Variants in PHYKPL observed in about 807,000 individuals in gnomAD.
PHYKPL encodes 5-phosphonooxy-L-lysine phospho-lyase.
Under a neutral mutation model 51.3 loss-of-function variants are expected in PHYKPL, and 42 were observed. The observed-to-expected ratio is 0.82, with a 90% CI of 0.64 to 1.06. The LOEUF (loss-of-function observed/expected upper bound fraction) is 1.06. PHYKPL is among the 50% of genes least tolerant of loss of function. PHYKPL has a pLI of 0.00. For synonymous variants in PHYKPL, 264 were observed against 236.0 expected, an observed-to-expected ratio of 1.12 and a Z score of -1.09; for missense variants, 655 against 586.6, an observed-to-expected ratio of 1.12 and a Z score of -1.20.
At chr5:178,210,562 G>A (rs1450086446) in intron 12 of PHYKPL, 1 of 1,614,090 alleles carries the variant, frequency 6.2e-7, no homozygotes, top group Admixed American at 1.7e-5. Flanking sequence ...GGTCAGGGTA[G>A]TACAAACTAC....
In PHYKPL at chr5:178,232,555, G is replaced by C; in HGVS notation, c.-5C>G. ...CGGGCGCTGGTCTGCGGCCATGGTG[G>C]GTGGCCGTCAGTCGGTGCCGTGACG... On this transcript the variant is annotated 5_prime_UTR_variant, in exon 1 of 13. Transcript: ENST00000308158. 1.6e-6 allele frequency: 2 copies of C among 1,287,300 alleles called. No homozygotes were observed. The highest frequency in any genetic ancestry group is 2.6e-5 in the South Asian group (1 of 38,928). The allele number at this position is 1,287,300 out of a possible 1,614,324, so 79.7% of individuals were successfully genotyped here. A position where few individuals can be genotyped will look rare whatever the true frequency, so the allele number is the denominator to read the frequency against.
intron 3 of PHYKPL, chr5:178,228,424 A>G (rs1198444077): frequency 4.6e-6 from 3 of 649,028 alleles, no homozygotes; most frequent in African/African-American, 1.8e-5. Flanking sequence ...ATTTGGCAAC[A>G]TGGAAGTCCC....
rs1178961584 is a variant in PHYKPL at position 178,225,104 on chromosome 5, ATGT to A, written c.413+248_413+250del. ...TGCTGGAGTAGTTTGAACATGTACA[ATGT>A]TGTGGGACCACCTTTGAGTCTCTTA... On this transcript the variant is annotated intron_variant, in intron 4 of 12. Transcript: ENST00000308158. 8 of 579,682 alleles carry A rather than the reference ATGT, an allele frequency of 1.4e-5. No homozygotes were observed. In the East Asian group the frequency reaches 2.0e-4, roughly 14 times the overall value. The allele number at this position is 579,682 out of a possible 1,614,324, so 35.9% of individuals were successfully genotyped here.
chr5:178,209,886 G>A (rs1411356918), intron 12 of PHYKPL, among the ~76,000 whole-genome samples: 1 of 152,152 alleles, frequency 6.6e-6, no homozygotes, highest in East Asian at 1.9e-4. Flanking sequence ...TGATCAGAGA[G>A]TGACTGAGTG....
At chr5:178,208,066 A>C (rs186001168), downstream of PHYKPL, among the ~76,000 whole-genome samples, 1 of 152,190 alleles carries the variant, frequency 6.6e-6, no homozygotes, top group Non-Finnish European at 1.5e-5. Flanking sequence ...ATCCAGGGTC[A>C]GTTGTGCTTT....
intron 8 of PHYKPL, among the ~76,000 whole-genome samples, chr5:178,217,809 G>A (rs1248461084): frequency 6.9e-6 from 1 of 144,662 alleles, no homozygotes; most frequent in African/African-American, 2.6e-5. Context: ...AGTGAGCCGA[G>A]ATCACACCAC....
At chr5:178,210,443 G>A in intron 12 of PHYKPL, 1 of 1,498,252 alleles carries the variant, frequency 6.7e-7, no homozygotes, top group Admixed American at 1.8e-5. Context: ...CATGAGGAAG[G>A]CAGTCTCTGC....
At chr5:178,210,239 G>T in intron 12 of PHYKPL, 1 of 1,613,674 alleles carries the variant, frequency 6.2e-7, no homozygotes, top group Non-Finnish European at 8.5e-7. Context: ...CTCGCCCTAT[G>T]GCTATTACGG....
chr5:178,213,122 C>T lies in PHYKPL; in HGVS notation c.1173-19G>A. On this transcript the variant is annotated intron_variant, in intron 10 of 12. Transcript: ENST00000308158. Reference sequence around the variant, plus strand: ...CTTCAGCCTGTGAGGACAGGACACCCCTTCACATGGCCTTCAAGGCCTTCC... The same window carrying T: ...CTTCAGCCTGTGAGGACAGGACACCTCTTCACATGGCCTTCAAGGCCTTCC... 1 of 1,613,016 alleles carries T rather than the reference C, an allele frequency of 6.2e-7. No individual in the cohort carries two copies. Among genetic ancestry groups the T allele is most frequent in the South Asian group, 1.1e-5 (1 of 90,914 alleles).
chr5:178,210,109 CCT>C (rs1305874492), intron 12 of PHYKPL: 2 of 1,613,382 alleles, frequency 1.2e-6, no homozygotes, highest in South Asian at 2.2e-5. Flanking sequence ...TCCACGGGCC[CCT>C]GTGCCCTGCT....
intron 12 of PHYKPL, among the ~76,000 whole-genome samples, chr5:178,209,764 G>T (rs990137243): frequency 2.6e-5 from 4 of 152,162 alleles, no homozygotes; most frequent in African/African-American, 9.7e-5. Context: ...AGGCAGAAGG[G>T]TGGGTAGGGC....
intron 2 of PHYKPL, 36 bp downstream of exon 2, chr5:178,231,369 C>T: frequency 6.2e-7 from 1 of 1,614,032 alleles, no homozygotes; most frequent in Non-Finnish European, 8.5e-7. Flanking sequence ...CACTGCCTTC[C>T]TCTCCTGCCC....
At chr5:178,210,580 G>A (rs779577708) in intron 12 of PHYKPL, 4 of 1,614,068 alleles carry the variant, frequency 2.5e-6, no homozygotes, top group Middle Eastern at 1.6e-4. Flanking sequence ...TACGGCAAGA[G>A]CCAGCGACGT....
chr5:178,227,319 T>G (rs1762496304), intron 3 of PHYKPL, among the ~76,000 whole-genome samples: 1 of 152,178 alleles, frequency 6.6e-6, no homozygotes, highest in Non-Finnish European at 1.5e-5. Flanking sequence ...AAACCAACCC[T>G]GCGAACACCT....
intron 3 of PHYKPL, among the ~76,000 whole-genome samples, chr5:178,229,410 G>A (rs1395755219): frequency 6.6e-6 from 1 of 152,128 alleles, no homozygotes; most frequent in Non-Finnish European, 1.5e-5. Context: ...GCCCAGCCTT[G>A]ACGAGACTTC....
At chr5:178,229,883 T>C (rs1220785338) in intron 3 of PHYKPL, 57 bp downstream of exon 3, 2 of 1,588,762 alleles carry the variant, frequency 1.3e-6, no homozygotes, top group African/African-American at 2.7e-5. Flanking sequence ...CCCATGTGAG[T>C]GACTGTCTTT....
chr5:178,213,241 C>T, intron 10 of PHYKPL, 138 bp from the exon 11 acceptor site: 1 of 1,193,962 alleles, frequency 8.4e-7, no homozygotes, highest in Non-Finnish European at 1.2e-6. Flanking sequence ...TTACTGGTCA[C>T]CTCTCCCAGA....
At chr5:178,217,066 C>G (rs1759950690) in intron 8 of PHYKPL, 1 of 151,894 alleles carries the variant, frequency 6.6e-6, no homozygotes, top group South Asian at 2.1e-4. Context: ...GTTAAGAGAC[C>G]TAAAGGAAAC....
At position 178,208,500 on chromosome 5, in the gene PHYKPL, G is replaced by A. The variant is rs961511139; in HGVS notation, c.*447C>T. 1.3e-5 allele frequency: 2 copies of A among 152,222 alleles called. No individual in the cohort carries two copies. The highest frequency in any genetic ancestry group is 4.8e-5 in the African/African-American group (2 of 41,510). 9.4% of individuals were successfully genotyped at this position (152,222 alleles called of 1,614,324 possible). On this transcript the variant is annotated 3_prime_UTR_variant, in exon 13 of 13. Coordinates refer to ENST00000308158, the MANE Select transcript of PHYKPL (RefSeq NM_153373.4). ...TCTTAGGAGTAAGTATATTTAGTTGGTTATATTCAGTATTTTTAATTTAGT... is the reference window on the plus strand; with the variant it reads ...TCTTAGGAGTAAGTATATTTAGTTGATTATATTCAGTATTTTTAATTTAGT...
Sources: gnomAD v4.1 joint callset for allele counts (sites outside exome capture counted in the v4.1 genomes callset) on GRCh38, gnomAD v4.1.1 for gene constraint, MANE v1.5 for transcripts, NCBI Gene and HGNC (gene_info 2026-07-23, HGNC 2026-07-21) for gene names.